The following TNNI3K variants were observed in gnomAD, a reference collection of about 807,000 sequenced individuals.
TNNI3K encodes serine/threonine-protein kinase TNNI3K.
Under a neutral mutation model 114.5 loss-of-function variants are expected in TNNI3K, and 140 were observed. The observed-to-expected ratio is 1.22, with a 90% CI of 1.07 to 1.41. The LOEUF (loss-of-function observed/expected upper bound fraction) is 1.41. Ranked by LOEUF, TNNI3K falls within the 40% of genes most tolerant of loss-of-function variation. TNNI3K has a pLI of 0.00. For missense variants in TNNI3K, 1,125 were observed against 1,007.6 expected, an observed-to-expected ratio of 1.12 and a Z score of -1.58; for synonymous variants, 347 against 347.5, an observed-to-expected ratio of 1.00 and a Z score of 0.02.
chr1:74,324,206 G>A (rs954745576), intron 5 of TNNI3K, among the ~76,000 whole-genome samples: 4 of 152,196 alleles, frequency 2.6e-5, no homozygotes, highest in South Asian at 4.1e-4. Context: ...CAGGAAACTT[G>A]TTGATATTTA....
At chr1:74,490,933 A>T (rs1669037259) in intron 22 of TNNI3K, among the ~76,000 whole-genome samples, 1 of 152,228 alleles carries the variant, frequency 6.6e-6, no homozygotes, top group Non-Finnish European at 1.5e-5. Context: ...CTGGCTTAGG[A>T]GCATCATGAA....
intron 21 of TNNI3K, among the ~76,000 whole-genome samples, chr1:74,476,429 C>T (rs1486065413): frequency 6.6e-6 from 1 of 152,068 alleles, no homozygotes; most frequent in Non-Finnish European, 1.5e-5. Context: ...GTGTATTATT[C>T]TGTTTATTCA....
intron 7 of TNNI3K, among the ~76,000 whole-genome samples, chr1:74,337,825 T>C (rs926972909): frequency 8.5e-5 from 13 of 152,140 alleles, no homozygotes; most frequent in Admixed American, 7.2e-4. Context: ...TGTGACTGGC[T>C]TCTTTTGCTC....
intron 21 of TNNI3K, among the ~76,000 whole-genome samples, chr1:74,467,066 A>G (rs1184070086): frequency 2.0e-5 from 3 of 152,202 alleles, no homozygotes; most frequent in Non-Finnish European, 4.4e-5. Flanking sequence ...GCTTCCCAAA[A>G]AGAGTAACAC....
chr1:74,282,131 T>C (rs1657052530), intron 5 of TNNI3K, among the ~76,000 whole-genome samples: 1 of 152,028 alleles, frequency 6.6e-6, no homozygotes, highest in Non-Finnish European at 1.5e-5. Flanking sequence ...ATAACAAATA[T>C]CACAGACTGA....
chr1:74,464,646 A>T (rs1361979573), intron 21 of TNNI3K: 1 of 1,589,858 alleles, frequency 6.3e-7, no homozygotes, highest in South Asian at 1.2e-5. Context: ...CAAAATCCAG[A>T]CCAAGTCATT....
intron 20 of TNNI3K, among the ~76,000 whole-genome samples, chr1:74,446,891 T>C (rs1666718282): frequency 6.9e-6 from 1 of 144,836 alleles, no homozygotes; most frequent in Non-Finnish European, 1.5e-5. Context: ...TTCTGTTCCA[T>C]TGATCTATAT....
At chr1:74,391,811 G>A (rs1663785843) in intron 17 of TNNI3K, among the ~76,000 whole-genome samples, 1 of 152,040 alleles carries the variant, frequency 6.6e-6, no homozygotes, top group South Asian at 2.1e-4. Flanking sequence ...AAAAAGGAAA[G>A]CCAGCAGCAA....
intron 21 of TNNI3K, chr1:74,471,241 T>A (rs1667919713): frequency 2.5e-6 from 1 of 400,646 alleles, no homozygotes; most frequent in Admixed American, 4.4e-5. Context: ...TGGGGTCTGC[T>A]TTGAGTCATG....
chr1:74,506,956 T>A, intron 23 of TNNI3K, among the ~76,000 whole-genome samples: 1 of 152,184 alleles, frequency 6.6e-6, no homozygotes, highest in Non-Finnish European at 1.5e-5. Context: ...AATAAGTTTC[T>A]TGAGGGGGAG....
chr1:74,382,977 C>A (rs755256580), intron 17 of TNNI3K, among the ~76,000 whole-genome samples: 6 of 152,142 alleles, frequency 3.9e-5, no homozygotes, highest in Non-Finnish European at 8.8e-5. Context: ...TGTCCATGGT[C>A]TCTGAAAGAC....
chr1:74,417,639 C>T (rs1665181953), intron 17 of TNNI3K, among the ~76,000 whole-genome samples: 1 of 150,110 alleles, frequency 6.7e-6, no homozygotes, highest in Non-Finnish European at 1.5e-5. Context: ...AACAGGGTTA[C>T]ATGCTATGAT....
At chr1:74,537,147 A>T (rs531378689) in intron 23 of TNNI3K, among the ~76,000 whole-genome samples, 2 of 152,210 alleles carry the variant, frequency 1.3e-5, no homozygotes, top group African/African-American at 4.8e-5. Flanking sequence ...CAGCTTGGAT[A>T]TGAGCTTTTA....
intron 17 of TNNI3K, among the ~76,000 whole-genome samples, chr1:74,415,684 CT>C (rs1326770446): frequency 6.7e-6 from 1 of 149,776 alleles, no homozygotes; most frequent in Non-Finnish European, 1.5e-5. Context: ...TATATTTATA[CT>C]TTTTTGATAT....
In TNNI3K at chr1:74,479,314, T is replaced by A. The variant is rs535185375; in HGVS notation, c.2122-9875T>A. On this transcript the variant is annotated intron_variant, in intron 21 of 24. Transcript: ENST00000326637. ...TAATGACACTAAGTGTCATTTTATA[T>A]TATTCATCCAGTGAGATGTAATGAT... 8.1e-4 allele frequency among the ~76,000 whole-genome samples: 124 copies of A among 152,350 alleles called. 1 individual carries two copies. Among genetic ancestry groups the A allele is most frequent in the Non-Finnish European group, 1.3e-3 (87 of 68,024 alleles).
chr1:74,503,036 T>A (rs954391022), intron 23 of TNNI3K, among the ~76,000 whole-genome samples: 4 of 152,228 alleles, frequency 2.6e-5, no homozygotes, highest in Admixed American at 2.6e-4. Context: ...TTTATGGAAC[T>A]GAGTACACTG....
At chr1:74,352,354 C>T (rs186716534) in intron 9 of TNNI3K, among the ~76,000 whole-genome samples, 3,303 of 150,486 alleles carry the variant, frequency 0.022, 118 homozygotes, top group African/African-American at 0.074. Flanking sequence ...AGTACCCAGC[C>T]GTGTGAGGTG....
At chr1:74,274,072 A>G (rs191122503) in intron 5 of TNNI3K, among the ~76,000 whole-genome samples, 5 of 152,054 alleles carry the variant, frequency 3.3e-5, no homozygotes, top group Admixed American at 3.3e-4. Context: ...TTTATAGCCT[A>G]CTGCTGATTG....
At chr1:74,360,118 T>A (rs185701750) in intron 11 of TNNI3K, among the ~76,000 whole-genome samples, 4 of 152,082 alleles carry the variant, frequency 2.6e-5, no homozygotes, top group Non-Finnish European at 5.9e-5. Flanking sequence ...ACTATCACTA[T>A]TTTAATTCAG....
Sources: allele counts gnomAD v4.1 joint callset (sites outside exome capture counted in the v4.1 genomes callset), GRCh38; gene constraint gnomAD v4.1.1; transcripts MANE v1.5; gene names NCBI Gene and HGNC (gene_info 2026-07-23, HGNC 2026-07-21).